The following GRIP2 variants were observed in gnomAD, a reference collection of about 807,000 sequenced individuals.
The protein encoded by GRIP2 is glutamate receptor interacting protein 2.
GRIP2 carries 58 observed loss-of-function variants against 108.3 expected under a neutral mutation model. That is an observed-to-expected ratio of 0.54 (90% CI 0.43 to 0.67). The LOEUF is 0.67. Among genes scored for constraint, GRIP2 ranks in the 30% least tolerant of loss-of-function variants. The pLI is 0.00. For missense variants in GRIP2, 1,278 were observed against 1,430.6 expected, an observed-to-expected ratio of 0.89 and a Z score of 1.72; for synonymous variants, 586 against 598.2, an observed-to-expected ratio of 0.98 and a Z score of 0.30.
intron 16 of GRIP2, among the ~76,000 whole-genome samples, chr3:14,510,847 C>T (rs1274135873): frequency 6.6e-6 from 1 of 152,202 alleles, no homozygotes; most frequent in Non-Finnish European, 1.5e-5. Flanking sequence ...CTTCCCCTGC[C>T]CTACCCACTC....
At chr3:14,554,059 T>C (rs982449262) in intron 1 of GRIP2, among the ~76,000 whole-genome samples, 1 of 151,916 alleles carries the variant, frequency 6.6e-6, no homozygotes, top group African/African-American at 2.4e-5. Flanking sequence ...AAGGAAGTGG[T>C]TGGGTCACTA....
Position 14,552,709 on chromosome 3 carries a change from C to T in GRIP2, c.55+3191G>A, listed in dbSNP as rs566481922. Among the ~76,000 whole-genome samples, 7 of 151,614 alleles carry T rather than the reference C, an allele frequency of 4.6e-5. No individual in the cohort carries two copies. The East Asian group carries it at 1.2e-3, about 25-fold the overall frequency. ...CCAGGTTCAAGCGATTCTCTTGCCT[C>T]AGCCTCCCAGGTAGCTGGAATTACA... On this transcript the variant is annotated intron_variant, in intron 1 of 23. Coordinates refer to the GRIP2 transcript ENST00000637182.
intron 21 of GRIP2, among the ~76,000 whole-genome samples, chr3:14,500,870 T>G (rs1321683917): frequency 3.3e-5 from 5 of 152,094 alleles, no homozygotes; most frequent in African/African-American, 1.2e-4. Context: ...ATAAGAAAGT[T>G]GGGATATGAG....
intron 19 of GRIP2, 66 bp downstream of exon 19, chr3:14,506,735 A>G (rs548301006): frequency 1.4e-4 from 201 of 1,418,924 alleles, no homozygotes; most frequent in Non-Finnish European, 1.5e-4. Context: ...ACAGTCCTGC[A>G]CAGGCCCAGC....
In GRIP2 at chr3:14,524,450, G is replaced by T; in HGVS notation, c.346C>A (p.Leu116Ile). 1 of 1,603,354 alleles carries T rather than the reference G, an allele frequency of 6.2e-7. No homozygotes were observed. Among genetic ancestry groups the T allele is most frequent in the Non-Finnish European group, 8.5e-7 (1 of 1,175,318 alleles). ...RLRHDEIITL[L>I]KNVGERVVLE... Reference sequence around the variant, plus strand: ...ACCACGCGCTCGCCCACATTCTTGAGCAGGGTGATGATCTCATCGTGGCGG... The same window carrying T: ...ACCACGCGCTCGCCCACATTCTTGATCAGGGTGATGATCTCATCGTGGCGG... The change falls in exon 4 of 24, where the codon CTC (leucine) becomes ATC (isoleucine). Residue 116 changes from leucine (L) to isoleucine (I), a missense_variant. By Grantham distance (5) the Leu-to-Ile change is conservative. Transcript: ENST00000621039.
At chr3:14,542,601 G>A (rs558762982), upstream of GRIP2, among the ~76,000 whole-genome samples, 4 of 152,266 alleles carry the variant, frequency 2.6e-5, no homozygotes, top group African/African-American at 9.6e-5. Flanking sequence ...GTTTACTTTT[G>A]TGGACCCCCA....
rs755847798 is a variant in GRIP2, at chr3:14,521,696, G to A, written c.658C>T (p.Arg220Trp). 3.3e-5 allele frequency: 53 copies of A among 1,611,282 alleles called. No individual in the cohort carries two copies. Among genetic ancestry groups the A allele is most frequent in the Admixed American group, 1.0e-4 (6 of 59,728 alleles). Residue 220 changes from arginine to tryptophan, a missense_variant, in exon 7 of 24, where the codon CGG becomes TGG. Physicochemically the swap from Arg to Trp is moderately radical, Grantham distance 101. Transcript: ENST00000621039. The surrounding 1 kb of genome is among the most constrained non-coding windows in gnomAD (Gnocchi z 5.1). The part of the protein sequence containing the change: ...ASHATALATL[R>W]QCSHEALFQV... The stretch of plus-strand genomic sequence containing the variant: ...AAGAGTGCCTCGTGGCTGCACTGCC[G>A]CAGGGTGGCCAGGGCGGTGGCATGG...
chr3:14,496,077 C>T (rs1026341015), intron 22 of GRIP2, among the ~76,000 whole-genome samples: 8 of 151,980 alleles, frequency 5.3e-5, no homozygotes, highest in African/African-American at 1.9e-4. Context: ...CCCAGGAGGT[C>T]AGGGCCGCAG....
upstream of GRIP2, among the ~76,000 whole-genome samples, chr3:14,544,696 A>G (rs1222788941): frequency 6.6e-6 from 1 of 152,196 alleles, no homozygotes; most frequent in Non-Finnish European, 1.5e-5. Flanking sequence ...CCTCCACCCC[A>G]GGGGCCGGGC....
chr3:14,593,422 C>T, the GRIP2 span, among the ~76,000 whole-genome samples: 554 of 152,322 alleles, frequency 3.6e-3, 5 homozygotes, highest in African/African-American at 0.012. Flanking sequence ...AAGAATCAAA[C>T]GAGGACAACT....
intron 16 of GRIP2, 35 bp from the exon 17 acceptor site, chr3:14,509,999 C>G: frequency 7.2e-7 from 1 of 1,396,272 alleles, no homozygotes; most frequent in African/African-American, 1.5e-5. Context: ...AGGAGGCCCC[C>G]GAGGGGGTAC....
the GRIP2 span, among the ~76,000 whole-genome samples, chr3:14,568,763 T>G: frequency 5.8e-4 from 89 of 152,230 alleles, no homozygotes; most frequent in Non-Finnish European, 8.2e-4. Flanking sequence ...AGGGAGGAAG[T>G]AGCTAGGGAT....
At chr3:14,561,215 A>G in the GRIP2 span, among the ~76,000 whole-genome samples, 1 of 152,212 alleles carries the variant, frequency 6.6e-6, no homozygotes, top group East Asian at 1.9e-4. Context: ...CTTAAAGGAG[A>G]TGAACCCATG....
At chr3:14,576,435 G>A in the GRIP2 span, among the ~76,000 whole-genome samples, 1 of 152,184 alleles carries the variant, frequency 6.6e-6, no homozygotes, top group Non-Finnish European at 1.5e-5. Context: ...ACACGGCCTC[G>A]CATTTGGCTT....
the GRIP2 span, among the ~76,000 whole-genome samples, chr3:14,601,066 TCA>T: frequency 0.017 from 2,563 of 148,706 alleles, 55 homozygotes; most frequent in African/African-American, 0.051. Flanking sequence ...TCTCTCTCTC[TCA>T]CACACACACA....
upstream of GRIP2, among the ~76,000 whole-genome samples, chr3:14,543,704 C>T (rs1439641769): frequency 6.6e-6 from 1 of 152,218 alleles, no homozygotes; most frequent in Non-Finnish European, 1.5e-5. Context: ...CAGCATCTGA[C>T]TGCCCCATGT....
At chr3:14,543,114 C>T (rs1431275504), upstream of GRIP2, among the ~76,000 whole-genome samples, 4 of 152,106 alleles carry the variant, frequency 2.6e-5, no homozygotes, top group Non-Finnish European at 5.9e-5. Context: ...AGTCCATGGC[C>T]GAAATCCCAC....
intron 17 of GRIP2, 66 bp downstream of exon 17, chr3:14,509,754 T>C: frequency 8.3e-6 from 11 of 1,323,160 alleles, no homozygotes; most frequent in Non-Finnish European, 1.1e-5. Context: ...GGCTTTGCCA[T>C]AGCCCCAGCT....
At chr3:14,581,559 A>G in the GRIP2 span, among the ~76,000 whole-genome samples, 2 of 152,228 alleles carry the variant, frequency 1.3e-5, no homozygotes, top group Non-Finnish European at 2.9e-5. Context: ...ACACTGTCCA[A>G]TGGGAGACAG....
Sources: allele counts gnomAD v4.1 joint callset (sites outside exome capture counted in the v4.1 genomes callset), GRCh38; gene constraint gnomAD v4.1.1; non-coding constraint Gnocchi (gnomAD v3.1); transcripts MANE v1.5; gene names NCBI Gene and HGNC (gene_info 2026-07-23, HGNC 2026-07-21).